HIKESHI: variants seen among roughly 807,000 people sequenced by gnomAD.
HIKESHI encodes the protein protein Hikeshi.
HIKESHI carries 13 observed loss-of-function variants against 25.7 expected under a neutral mutation model. The ratio of observed to expected loss-of-function variants is 0.51; its 90% CI spans 0.33 to 0.80. HIKESHI has a LOEUF of 0.80. HIKESHI is among the 30% of genes least tolerant of loss of function. HIKESHI has a pLI of 0.02. For synonymous variants in HIKESHI, 76 were observed against 78.7 expected (o/e 0.97, Z 0.18); for missense variants, 174 against 229.5 (o/e 0.76, Z 1.56).
intron 3 of HIKESHI, among the ~76,000 whole-genome samples, chr11:86,341,488 C>CT (rs112151717): frequency 0.58 from 82,872 of 142,736 alleles, 24,028 homozygotes; most frequent in East Asian, 0.78. Flanking sequence ...TGGAATTCTC[C>CT]TTTTTTTTTT....
Position 86,331,209 on chromosome 11 carries a change from G to A in HIKESHI, c.269-6170G>A, listed in dbSNP as rs539647143. ...GGATGTTAGAAATTACCCAGATAGG[G>A]CCAGGTGCAGTGGCTCACGCTTGTA... On this transcript the variant is annotated intron_variant, in intron 2 of 4. Coordinates refer to ENST00000278483, the MANE Select transcript of HIKESHI (RefSeq NM_016401.4). Among the ~76,000 whole-genome samples the A allele has an allele frequency of 1.6e-4, 25 of 152,270 alleles. No individual in the cohort carries two copies. The South Asian group carries it at 5.0e-3, about 30-fold the overall frequency.
Position 86,337,637 on chromosome 11 carries a change from T to A in HIKESHI, c.420+107T>A, listed in dbSNP as rs567841542. On this transcript the variant is annotated intron_variant, in intron 3 of 4. Coordinates refer to ENST00000278483, the MANE Select transcript of HIKESHI (RefSeq NM_016401.4). ...AGGGTATACAATGTGATGTTTTTGA[T>A]ACATGTTTACATTTTGTTTTGTTTT... The A allele has an allele frequency of 3.3e-5, 39 of 1,168,828 alleles. No homozygotes were observed. In the African/African-American group the frequency reaches 4.9e-4, roughly 15 times the overall value. The allele number at this position is 1,168,828 out of a possible 1,614,324, so 72.4% of individuals were successfully genotyped here. A position where few individuals can be genotyped will look rare whatever the true frequency, so the allele number is the denominator to read the frequency against.
rs748017503 is a variant in HIKESHI, at chr11:86,322,637, G to A, written c.269-14742G>A. Among the ~76,000 whole-genome samples the A allele has an allele frequency of 7.2e-5, 11 of 152,050 alleles. 1 individual carries two copies. The highest frequency in any genetic ancestry group is 3.3e-4 in the Admixed American group (5 of 15,256). ...AATTTTGATGAAGTCTAATTTTTCA[G>A]TTTGTTCTTTTCTGGGTTGTGCTTT... On this transcript the variant is annotated intron_variant, in intron 2 of 4. Coordinates refer to ENST00000278483, the MANE Select transcript of HIKESHI (RefSeq NM_016401.4).
intron 2 of HIKESHI, among the ~76,000 whole-genome samples, chr11:86,308,131 T>A (rs1321002093): frequency 1.4e-4 from 6 of 43,082 alleles, no homozygotes; most frequent in African/African-American, 1.9e-4. Flanking sequence ...TACTATGTAT[T>A]ACATGTAAAA....
At chr11:86,317,947 A>C (rs1361825690) in intron 2 of HIKESHI, among the ~76,000 whole-genome samples, 1 of 152,138 alleles carries the variant, frequency 6.6e-6, no homozygotes, top group East Asian at 1.9e-4. Flanking sequence ...GAACAGACAA[A>C]ATTGGCTATT....
Position 86,316,771 on chromosome 11 carries a change from CTTTTTTTTTTTTTTTTTTTTTTTTTTT to C in HIKESHI, c.268+10303_268+10329del, listed in dbSNP as rs71040229. Among the ~76,000 whole-genome samples, 9 of 68,790 alleles carry C rather than the reference CTTTTTTTTTTTTTTTTTTTTTTTTTTT, an allele frequency of 1.3e-4. No homozygotes were observed. In the East Asian group the frequency reaches 1.3e-3, roughly 10 times the overall value. The allele number at this position is 68,790 out of a possible 152,430, so 45.1% of individuals were successfully genotyped here. ...TTATGAGTAATGAATCTGAAACATT[CTTTTTTTTTTTTTTTTTTTTTTTTTTT>C]TTTTTTTTTTTTTGAGACAGAGTCT... On this transcript the variant is annotated intron_variant, in intron 2 of 4. Coordinates refer to ENST00000278483, the MANE Select transcript of HIKESHI (RefSeq NM_016401.4).
At chr11:86,318,559 T>C (rs1231429381) in intron 2 of HIKESHI, among the ~76,000 whole-genome samples, 3 of 151,952 alleles carry the variant, frequency 2.0e-5, no homozygotes, top group African/African-American at 7.2e-5. Flanking sequence ...CCAAAGACAA[T>C]ATGAGAGAGG....
chr11:86,304,808 G>A lies in HIKESHI; in HGVS notation c.31-1437G>A, dbSNP rs560839234. On this transcript the variant is annotated intron_variant, in intron 1 of 4. Transcript: ENST00000278483. The stretch of plus-strand genomic sequence containing the variant: ...TGGGATTACAGGCATGAGCCACTGT[G>A]CCAGGCCTACAACTCACATTTTTTA... Among the ~76,000 whole-genome samples the A allele has an allele frequency of 2.0e-5, 3 of 152,264 alleles. No individual in the cohort carries two copies. The East Asian group carries it at 5.8e-4, about 29-fold the overall frequency.
chr11:86,332,314 G>A (rs1418624618), intron 2 of HIKESHI, among the ~76,000 whole-genome samples: 1 of 151,882 alleles, frequency 6.6e-6, no homozygotes, highest in African/African-American at 2.4e-5. Context: ...CACACTTACA[G>A]ACATCTCAAC....
chr11:86,311,660 A>T (rs919528107), intron 2 of HIKESHI, among the ~76,000 whole-genome samples: 1 of 152,086 alleles, frequency 6.6e-6, no homozygotes, highest in African/African-American at 2.4e-5. Context: ...TTAGGGTGTC[A>T]ATTGTAGATC....
chr11:86,303,552 C>G, intron 1 of HIKESHI: 1 of 215,168 alleles, frequency 4.6e-6, no homozygotes, highest in Non-Finnish European at 7.9e-6. Flanking sequence ...TAATGAATGA[C>G]ATTAAAATTG....
chr11:86,317,606 A>G (rs1397635685), intron 2 of HIKESHI, among the ~76,000 whole-genome samples: 1 of 152,032 alleles, frequency 6.6e-6, no homozygotes, highest in African/African-American at 2.4e-5. Flanking sequence ...GGAGTTCGAG[A>G]CCAGCCTGGC....
At chr11:86,323,528 CCAAT>C (rs1423128445) in intron 2 of HIKESHI, among the ~76,000 whole-genome samples, 1 of 152,152 alleles carries the variant, frequency 6.6e-6, no homozygotes, top group Non-Finnish European at 1.5e-5. Context: ...TTGAGACATA[CCAAT>C]CAAATTGTCA....
At chr11:86,342,741 T>C (rs1454923143) in intron 3 of HIKESHI, among the ~76,000 whole-genome samples, 1 of 147,628 alleles carries the variant, frequency 6.8e-6, no homozygotes, top group Non-Finnish European at 1.5e-5. Flanking sequence ...TTTTTTACCA[T>C]GAGTAATAGC....
chr11:86,341,875 T>C (rs1306720225), intron 3 of HIKESHI, among the ~76,000 whole-genome samples: 1 of 152,238 alleles, frequency 6.6e-6, no homozygotes, highest in African/African-American at 2.4e-5. Context: ...ATATAAATAG[T>C]ATTATTCTGT....
At chr11:86,331,208 G>C (rs1251208764) in intron 2 of HIKESHI, among the ~76,000 whole-genome samples, 2 of 152,120 alleles carry the variant, frequency 1.3e-5, no homozygotes, top group Non-Finnish European at 2.9e-5. Flanking sequence ...ACCCAGATAG[G>C]GCCAGGTGCA....
intron 2 of HIKESHI, among the ~76,000 whole-genome samples, chr11:86,314,391 G>A (rs1353971863): frequency 4.6e-5 from 7 of 152,110 alleles, no homozygotes. Context: ...CGAGGAGGTG[G>A]ATTGCCTGAG....
At chr11:86,344,164 T>A (rs947353159) in intron 3 of HIKESHI, 1 of 152,652 alleles carries the variant, frequency 6.6e-6, no homozygotes, top group South Asian at 2.1e-4. Flanking sequence ...AGAAAATAGG[T>A]TGATTTGAGG....
chr11:86,338,359 G>C (rs1235140673), intron 3 of HIKESHI, among the ~76,000 whole-genome samples: 1 of 152,188 alleles, frequency 6.6e-6, no homozygotes, highest in Non-Finnish European at 1.5e-5. Context: ...AACTGCTAAA[G>C]CAGTGTCCTT....
Sources: allele counts gnomAD v4.1 joint callset (sites outside exome capture counted in the v4.1 genomes callset), GRCh38; gene constraint gnomAD v4.1.1; transcripts MANE v1.5; gene names NCBI Gene and HGNC (gene_info 2026-07-23, HGNC 2026-07-21).